CAST: variants seen among roughly 807,000 people sequenced by gnomAD.
CAST encodes MIR583 host.
CAST carries 76 observed loss-of-function variants against 119.6 expected under a neutral mutation model. That is an observed-to-expected ratio of 0.64 (90% CI 0.53 to 0.77). CAST has a LOEUF of 0.77. CAST is among the 30% of genes least tolerant of loss of function. CAST has a pLI of 0.00. For missense variants in CAST, 953 were observed against 946.5 expected, an observed-to-expected ratio of 1.01 and a Z score of -0.09; for synonymous variants, 319 against 331.6, an observed-to-expected ratio of 0.96 and a Z score of 0.41.
chr5:96,002,100 A>G, the CAST span, among the ~76,000 whole-genome samples: 2 of 152,256 alleles, frequency 1.3e-5, no homozygotes. Flanking sequence ...ATATAACTTT[A>G]TAATCTTTAT....
intron 1 of CAST, among the ~76,000 whole-genome samples, chr5:96,606,180 A>G (rs1269867233): frequency 6.6e-6 from 1 of 152,214 alleles, no homozygotes; most frequent in East Asian, 1.9e-4. Flanking sequence ...CAAAAAAAAA[A>G]CACTGCCCAG....
chr5:96,368,992 G>C, the CAST span, among the ~76,000 whole-genome samples: 3 of 151,892 alleles, frequency 2.0e-5, no homozygotes, highest in African/African-American at 7.2e-5. Context: ...TTTCTTTGTG[G>C]TTAGAATTCT....
the CAST span, among the ~76,000 whole-genome samples, chr5:95,962,850 C>A: frequency 2.0e-5 from 3 of 152,188 alleles, no homozygotes; most frequent in East Asian, 3.9e-4. Flanking sequence ...TGTGTGAAAA[C>A]CTAGCTAGGG....
the CAST span, among the ~76,000 whole-genome samples, chr5:96,122,265 A>T: frequency 6.6e-6 from 1 of 152,182 alleles, no homozygotes; most frequent in Non-Finnish European, 1.5e-5. Flanking sequence ...TCCTATCAGA[A>T]GTAGAGTAAA....
At chr5:96,768,226 G>A (rs1035761096) in intron 29 of CAST, among the ~76,000 whole-genome samples, 3 of 152,048 alleles carry the variant, frequency 2.0e-5, no homozygotes, top group African/African-American at 7.2e-5. Flanking sequence ...TGGGACTACA[G>A]GCGTGCACCA....
the CAST span, among the ~76,000 whole-genome samples, chr5:96,094,053 G>A: frequency 2.0e-5 from 3 of 151,684 alleles, no homozygotes; most frequent in Non-Finnish European, 4.4e-5. Context: ...AAAACTATTT[G>A]TAAGGAAGTT....
the CAST span, among the ~76,000 whole-genome samples, chr5:96,001,869 T>G: frequency 6.6e-6 from 1 of 152,172 alleles, no homozygotes; most frequent in Admixed American, 6.5e-5. Context: ...AACCTAATAG[T>G]CTTTTTGTGT....
intron 9 of CAST, among the ~76,000 whole-genome samples, chr5:96,733,857 A>G (rs1394582240): frequency 1.3e-5 from 2 of 152,216 alleles, no homozygotes; most frequent in African/African-American, 4.8e-5. Context: ...AGCCTGGGCA[A>G]CAAGAGTGAA....
chr5:96,456,831 T>C, the CAST span, among the ~76,000 whole-genome samples: 109,049 of 152,106 alleles, frequency 0.72, 39,715 homozygotes, highest in African/African-American at 0.83. Flanking sequence ...ATCATGGGGG[T>C]AGTTCCCCCA....
At chr5:96,186,918 G>T in the CAST span, among the ~76,000 whole-genome samples, 4 of 152,184 alleles carry the variant, frequency 2.6e-5, no homozygotes, top group Admixed American at 2.0e-4. Flanking sequence ...AGTATCAGTA[G>T]AAATGGTACT....
chr5:96,285,937 T>A, the CAST span, among the ~76,000 whole-genome samples: 43 of 152,360 alleles, frequency 2.8e-4, no homozygotes, highest in African/African-American at 1.0e-3. Context: ...ATGGAAGGCA[T>A]GTCATTGAAT....
At chr5:96,512,014 G>C in the CAST span, among the ~76,000 whole-genome samples, 2 of 152,156 alleles carry the variant, frequency 1.3e-5, no homozygotes, top group African/African-American at 4.8e-5. Flanking sequence ...TTCATTGTCT[G>C]TTTTCCTCAC....
chr5:96,266,358 C>T, the CAST span, among the ~76,000 whole-genome samples: 1 of 152,176 alleles, frequency 6.6e-6, no homozygotes, highest in Admixed American at 6.5e-5. Flanking sequence ...AGAACTTTCC[C>T]TGCTTGAACC....
At chr5:96,038,300 C>G in the CAST span, among the ~76,000 whole-genome samples, 1 of 152,012 alleles carries the variant, frequency 6.6e-6, no homozygotes, top group African/African-American at 2.4e-5. Flanking sequence ...AGACAAACAT[C>G]CCTTGAAGAA....
At chr5:96,499,029 GAAAAAAA>G in the CAST span, among the ~76,000 whole-genome samples, 33 of 109,760 alleles carry the variant, frequency 3.0e-4, no homozygotes, top group South Asian at 9.5e-4. Context: ...CATTGTGCAG[GAAAAAAA>G]AAAAAAAAGA....
chr5:96,232,285 T>A, the CAST span, among the ~76,000 whole-genome samples: 4 of 152,186 alleles, frequency 2.6e-5, no homozygotes, highest in Admixed American at 2.0e-4. Flanking sequence ...GTGACTCTGA[T>A]GCAAATAGAG....
At chr5:96,601,719 TA>T (rs1353000602) in intron 1 of CAST, among the ~76,000 whole-genome samples, 1 of 152,154 alleles carries the variant, frequency 6.6e-6, no homozygotes, top group Non-Finnish European at 1.5e-5. Flanking sequence ...CATCTGAAAA[TA>T]AAGTTTCAGG....
At chr5:96,019,854 C>T in the CAST span, among the ~76,000 whole-genome samples, 140 of 152,240 alleles carry the variant, frequency 9.2e-4, 1 homozygote, top group East Asian at 0.024. Flanking sequence ...GATACATTTT[C>T]TTAGATCAGA....
the CAST span, among the ~76,000 whole-genome samples, chr5:96,375,891 C>A: frequency 1.5e-5 from 2 of 135,592 alleles, no homozygotes; most frequent in East Asian, 4.0e-4. Flanking sequence ...AAATAAATCT[C>A]TCTCTCTCTA....
Sources: gnomAD v4.1 joint callset for allele counts (sites outside exome capture counted in the v4.1 genomes callset) on GRCh38, gnomAD v4.1.1 for gene constraint, MANE v1.5 for transcripts, NCBI Gene and HGNC (gene_info 2026-07-23, HGNC 2026-07-21) for gene names.